Variants in SYMPK observed in about 807,000 individuals in gnomAD.
SYMPK encodes the protein symplekin scaffold protein.
SYMPK carries 49 observed loss-of-function variants against 136.4 expected under a neutral mutation model. That is an observed-to-expected ratio of 0.36 (90% confidence interval 0.29 to 0.46). The LOEUF (loss-of-function observed/expected upper bound fraction) is 0.46. SYMPK is among the 20% of genes least tolerant of loss of function. The probability of loss-of-function intolerance (pLI) is 1.00; values close to 1 mark genes in which losing one functional copy is unlikely to be tolerated. For synonymous variants in SYMPK, 766 were observed against 713.0 expected (o/e 1.07, Z -1.19); for missense variants, 1,365 against 1,690.0 (o/e 0.81, Z 3.37).
chr19:45,815,875 A>C lies in SYMPK; in HGVS notation c.3663T>G (p.Ser1221=). 1 of 1,611,518 alleles carries C rather than the reference A, an allele frequency of 6.2e-7. No homozygotes were observed. The highest frequency in any genetic ancestry group is 8.5e-7 in the Non-Finnish European group (1 of 1,179,630). The change falls in exon 26 of 27, where the codon TCT becomes TCG. Residue 1221 remains serine, a synonymous_variant. Transcript: ENST00000245934. The part of the protein sequence containing the change: ...SGLTEAALLD[S]SLEGPLPKET... ...CCTTGGGTAGGGGGCCCTCGAGACT[A>C]GAGTCCAACAGCGCGGCCTCGGTCA...
intron 14 of SYMPK, chr19:45,828,134 C>A: frequency 1.9e-6 from 1 of 533,252 alleles, no homozygotes; most frequent in Non-Finnish European, 3.4e-6. Context: ...AAACTCATTT[C>A]TTCCGTTTGT....
chr19:45,817,834 G>C (rs970579206), intron 23 of SYMPK, 125 bp downstream of exon 23: 69 of 1,005,590 alleles, frequency 6.9e-5, no homozygotes, highest in Non-Finnish European at 9.4e-5. Flanking sequence ...TTCTTGGCAG[G>C]AGGCAGAGCA....
chr19:45,844,159 G>C lies in SYMPK; in HGVS notation c.718C>G (p.Leu240Val), dbSNP rs1300577320. 2 of 1,611,642 alleles carry C rather than the reference G, an allele frequency of 1.2e-6. No homozygotes were observed. Among genetic ancestry groups the C allele is most frequent in the Admixed American group, 1.7e-5 (1 of 59,718 alleles). Reference protein sequence around the residue: ...EEGKAALEQLLKFMVHPAISS... With the variant: ...EEGKAALEQLVKFMVHPAISS... ...ATGGCAGGGTGCACCATGAACTTAA[G>C]CAGCTGCTCCAAGGCTGCCTTGCCC... The change falls in exon 8 of 27, where the codon CTT becomes GTT. Residue 240 changes from leucine to valine, a missense_variant. Leu to Val is a conservative substitution (Grantham distance 32). Transcript: ENST00000245934.
chr19:45,861,633 A>AG (rs1468708012), intron 1 of SYMPK, among the ~76,000 whole-genome samples: 1 of 151,700 alleles, frequency 6.6e-6, no homozygotes, highest in Non-Finnish European at 1.5e-5. Flanking sequence ...GCTACCTGGG[A>AG]GGCTGAGGCA....
intron 22 of SYMPK, chr19:45,818,977 A>G (rs1970819245): frequency 7.1e-6 from 1 of 140,116 alleles, no homozygotes; most frequent in Admixed American, 7.4e-5. Context: ...TGAGAGGCTA[A>G]TGGAGAACAG....
In SYMPK at chr19:45,854,373, C is replaced by T; in HGVS notation, c.105+18G>A. ...GGGGCTATGCTTCCTCACTCCAAGC[C>T]CTACCCGCCACGCTCACCCTCTCTG... is the stretch of plus-strand genomic sequence containing the variant. On this transcript the variant is annotated intron_variant, in intron 2 of 26. Transcript: ENST00000245934. 6.2e-7 allele frequency: 1 copy of T among 1,613,208 alleles called. No homozygotes were observed. The highest frequency in any genetic ancestry group is 8.5e-7 in the Non-Finnish European group (1 of 1,179,234).
intron 19 of SYMPK, 39 bp downstream of exon 19, chr19:45,823,728 G>T: frequency 6.4e-7 from 1 of 1,566,596 alleles, no homozygotes; most frequent in Non-Finnish European, 8.8e-7. Context: ...GCTAAGGAGA[G>T]GGAGGAAAGC....
chr19:45,830,261 C>CTGG, intron 12 of SYMPK, 57 bp from the exon 13 acceptor site: 1 of 1,551,472 alleles, frequency 6.4e-7, no homozygotes, highest in Non-Finnish European at 8.8e-7. Context: ...AAAGGCCTGT[C>CTGG]TGGTGACTCT....
chr19:45,847,745 T>C lies in SYMPK; in HGVS notation c.676+7A>G, dbSNP rs1971600948. 6.2e-7 allele frequency: 1 copy of C among 1,608,336 alleles called. No individual in the cohort carries two copies. The highest frequency in any genetic ancestry group is 8.5e-7 in the Non-Finnish European group (1 of 1,176,012). On this transcript the variant is annotated splice_region_variant and intron_variant, in intron 7 of 26. Transcript: ENST00000245934. Reference sequence around the variant, plus strand: ...TGTCAGGGGTGGCAGCTGAAGGCAGTACTCACTGTACTGGATGTAGGGGTG... The same window carrying C: ...TGTCAGGGGTGGCAGCTGAAGGCAGCACTCACTGTACTGGATGTAGGGGTG...
chr19:45,836,630 C>CA lies in SYMPK; in HGVS notation c.1243-1403dup, dbSNP rs926939551. 4.0e-4 allele frequency among the ~76,000 whole-genome samples: 59 copies of CA among 146,166 alleles called. 1 individual carries two copies. The East Asian group carries it at 6.2e-3, about 15-fold the overall frequency. ...TGGGCAACAGAGCAAGACTCTGTCT[C>CA]AAAAAAAAAATGTATTATTTTTCTT... On this transcript the variant is annotated intron_variant, in intron 10 of 26. Coordinates refer to ENST00000245934, the MANE Select transcript of SYMPK (RefSeq NM_004819.3).
At position 45,854,391 on chromosome 19, in the gene SYMPK, C is replaced by A; in HGVS notation, c.105G>T (p.Arg35Ser). 1 of 1,614,070 alleles carries A rather than the reference C, an allele frequency of 6.2e-7. No individual in the cohort carries two copies. Among genetic ancestry groups the A allele is most frequent in the Non-Finnish European group, 8.5e-7 (1 of 1,179,960 alleles). The stretch of plus-strand genomic sequence containing the variant: ...TCCAAGCCCTACCCGCCACGCTCAC[C>A]CTCTCTGAGGTGGTCATGCCATCGA... ...PGIDGMTTSE[R>S]VVDLLNQAAL... The change falls in exon 2 of 27, where the codon AGG becomes AGT. Residue 35 changes from arginine (R) to serine (S), a missense_variant and splice_region_variant. By Grantham distance (110) the Arg-to-Ser change is moderately radical. Transcript: ENST00000245934.
intron 1 of SYMPK, chr19:45,855,050 G>C (rs974342748): frequency 2.5e-5 from 4 of 157,054 alleles, no homozygotes; most frequent in African/African-American, 9.6e-5. Context: ...GCTAATTTTT[G>C]TATTTTCAGT....
In SYMPK at chr19:45,852,396, TAG is replaced by T; in HGVS notation, c.226-13_226-12del. On this transcript the variant is annotated splice_polypyrimidine_tract_variant and intron_variant, in intron 4 of 26. Transcript: ENST00000245934. ...GAATGCGATGATCTCCTGCCAATGT[TAG>T]AGAGAAAGTGGATCAGGGCTACACA... 1 of 1,614,192 alleles carries T rather than the reference TAG, an allele frequency of 6.2e-7. No individual in the cohort carries two copies. Among genetic ancestry groups the T allele is most frequent in the Non-Finnish European group, 8.5e-7 (1 of 1,180,044 alleles).
At chr19:45,822,909 C>T in intron 20 of SYMPK, 63 bp from the exon 21 acceptor site, 1 of 1,371,726 alleles carries the variant, frequency 7.3e-7, no homozygotes, top group Non-Finnish European at 1.0e-6. Flanking sequence ...CCCTTCTAGA[C>T]AAGCCACCCC....
chr19:45,842,134 C>T (rs1192847684), intron 9 of SYMPK, 116 bp downstream of exon 9: 3 of 1,491,006 alleles, frequency 2.0e-6, no homozygotes, highest in Non-Finnish European at 2.7e-6. Context: ...CTGTGCCTGG[C>T]CCACATAACA....
rs757008130 is a variant in SYMPK at position 45,827,515 on chromosome 19, C to A, written c.2176G>T (p.Asp726Tyr). The change falls in exon 16 of 27, where the codon GAC becomes TAC. Residue 726 changes from aspartate (D) to tyrosine (Y), a missense_variant. This residue lies in a region of SYMPK where 303 missense variants were observed against 326.6 expected (regional missense o/e 0.93). Coordinates refer to ENST00000245934, the MANE Select transcript of SYMPK (RefSeq NM_004819.3). ...GAAGTGGAGGAGGGGATCACCTTGT[C>A]CTTCTCATGGGAGCTGAGGTCGAGG... ...VLLDLSSHEK[D>Y]KVRSQALLFI... 7.4e-6 allele frequency: 12 copies of A among 1,613,526 alleles called. No individual in the cohort carries two copies. The highest frequency in any genetic ancestry group is 9.3e-6 in the Non-Finnish European group (11 of 1,179,594).
intron 1 of SYMPK, among the ~76,000 whole-genome samples, chr19:45,857,809 T>C (rs1971869129): frequency 6.7e-6 from 1 of 149,444 alleles, no homozygotes; most frequent in South Asian, 2.1e-4. Context: ...TTTTTTTTTT[T>C]TTTTTTTAGA....
chr19:45,854,771 C>T (rs1300252009), intron 1 of SYMPK: 2 of 483,464 alleles, frequency 4.1e-6, no homozygotes, highest in Non-Finnish European at 7.6e-6. Context: ...CCACAAACAG[C>T]TGCTGAACGA....
rs936696088 is a variant in SYMPK at position 45,820,927 on chromosome 19, G to T, written c.2893+457C>A. 4 of 571,224 alleles carry T rather than the reference G, an allele frequency of 7.0e-6. No individual in the cohort carries two copies. The African/African-American group carries it at 7.6e-5, about 11-fold the overall frequency. The allele number at this position is 571,224 out of a possible 1,614,324, so 35.4% of individuals were successfully genotyped here. A position where few individuals can be genotyped will look rare whatever the true frequency, so the allele number is the denominator to read the frequency against. ...CAGTGAGTGGGGGCCATCGTGAGGC[G>T]GCCAGTTCGTCACCAACCCTGCCGC... is the stretch of plus-strand genomic sequence containing the variant. On this transcript the variant is annotated intron_variant, in intron 22 of 26. Transcript: ENST00000245934.
Sources: gnomAD v4.1 joint callset for allele counts (sites outside exome capture counted in the v4.1 genomes callset) on GRCh38, gnomAD v4.1.1 for gene constraint, gnomAD v4.1.1 regional missense constraint, MANE v1.5 for transcripts, NCBI Gene and HGNC (gene_info 2026-07-23, HGNC 2026-07-21) for gene names.